KCNS3: variants seen among roughly 807,000 people sequenced by gnomAD.
The protein encoded by KCNS3 is delayed-rectifier potassium channel regulatory subunit KCNS3.
A neutral mutation model predicts 31.0 loss-of-function variants in KCNS3; 13 were observed. The observed-to-expected ratio is 0.42, with a 90% CI of 0.27 to 0.67. The LOEUF is 0.67. KCNS3 is among the 30% of genes least tolerant of loss of function. KCNS3 has a pLI of 0.25. For missense variants in KCNS3, 545 were observed against 622.4 expected (o/e 0.88, Z 1.32); for synonymous variants, 238 against 241.5 (o/e 0.99, Z 0.13).
chr2:17,924,350 T>G (rs1368723369), intron 2 of KCNS3, among the ~76,000 whole-genome samples: 1 of 152,122 alleles, frequency 6.6e-6, no homozygotes, highest in Non-Finnish European at 1.5e-5. Flanking sequence ...TTTTCTTTCT[T>G]TTCTTTGCCT....
intron 1 of KCNS3, among the ~76,000 whole-genome samples, chr2:17,899,812 A>G (rs910321356): frequency 1.3e-5 from 2 of 152,234 alleles, no homozygotes; most frequent in Non-Finnish European, 1.5e-5. Flanking sequence ...TGACTCTTCT[A>G]TTTATCCCAG....
At chr2:17,904,815 C>T (rs1662277229) in intron 1 of KCNS3, among the ~76,000 whole-genome samples, 1 of 152,120 alleles carries the variant, frequency 6.6e-6, no homozygotes, top group South Asian at 2.1e-4. Flanking sequence ...TTCCATTGGT[C>T]TATATCTCTG....
At chr2:17,881,250 G>C (rs1490580959) in intron 1 of KCNS3, among the ~76,000 whole-genome samples, 1 of 152,190 alleles carries the variant, frequency 6.6e-6, no homozygotes, top group Non-Finnish European at 1.5e-5. Context: ...AGGGTATGTT[G>C]AAGCAGAGAA....
chr2:17,898,479 T>C (rs1277181949), intron 1 of KCNS3, among the ~76,000 whole-genome samples: 1 of 152,186 alleles, frequency 6.6e-6, no homozygotes, highest in Non-Finnish European at 1.5e-5. Context: ...CTCCTGCCTG[T>C]TTCCAGGTGT....
chr2:17,908,155 A>G (rs1276196634), intron 1 of KCNS3, among the ~76,000 whole-genome samples: 3 of 152,004 alleles, frequency 2.0e-5, no homozygotes, highest in Admixed American at 1.3e-4. Context: ...GGCTTTGTTC[A>G]TTTCTCTTTA....
At chr2:17,906,435 A>G (rs1447157262) in intron 1 of KCNS3, among the ~76,000 whole-genome samples, 1 of 151,954 alleles carries the variant, frequency 6.6e-6, no homozygotes, top group Non-Finnish European at 1.5e-5. Flanking sequence ...TGATTTTTTG[A>G]AGGGTTTTTT....
chr2:17,890,952 G>T (rs1209488126), intron 1 of KCNS3, among the ~76,000 whole-genome samples: 1 of 152,136 alleles, frequency 6.6e-6, no homozygotes, highest in African/African-American at 2.4e-5. Context: ...TTGTTCCAAG[G>T]TATAGTTTAA....
chr2:17,909,718 G>T (rs1190486206), intron 1 of KCNS3, among the ~76,000 whole-genome samples: 2 of 152,194 alleles, frequency 1.3e-5, no homozygotes, highest in East Asian at 3.8e-4. Context: ...AGAAGAAAGA[G>T]CATTCCAGGC....
intron 1 of KCNS3, among the ~76,000 whole-genome samples, chr2:17,917,297 G>A (rs35365641): frequency 6.6e-4 from 100 of 152,196 alleles, no homozygotes; most frequent in Non-Finnish European, 1.8e-4. Context: ...ATTAGAATGC[G>A]TTCATTTAGA....
At chr2:17,921,915 GTATA>G (rs56064218) in intron 2 of KCNS3, among the ~76,000 whole-genome samples, 334 of 32,716 alleles carry the variant, frequency 0.01, 1 homozygote, top group African/African-American at 0.023. Context: ...GTGTGTGTGT[GTATA>G]TATATATATA....
In KCNS3 at chr2:17,932,151, G is replaced by C. The variant is rs776245657; in HGVS notation, c.1143G>C (p.Leu381Phe). 1 of 1,614,004 alleles carries C rather than the reference G, an allele frequency of 6.2e-7. No homozygotes were observed. Among genetic ancestry groups the C allele is most frequent in the South Asian group, 1.1e-5 (1 of 91,044 alleles). The change falls in exon 3 of 3, where the codon TTG becomes TTC. Residue 381 changes from leucine (L) to phenylalanine (F), a missense_variant. By Grantham distance (22) the Leu-to-Phe change is conservative (BLOSUM62 0). Transcript: ENST00000304101. ...VGYGDTHPVT[L>F]AGKLIASTCI... Reference sequence around the variant, plus strand: ...ATGGAGACACCCACCCGGTCACCTTGGCGGGAAAGCTCATCGCCAGCACAT... The same window carrying C: ...ATGGAGACACCCACCCGGTCACCTTCGCGGGAAAGCTCATCGCCAGCACAT...
In KCNS3 at chr2:17,916,088, A is replaced by C. The variant is rs969681843; in HGVS notation, c.-251-1592A>C. Among the ~76,000 whole-genome samples the C allele has an allele frequency of 7.8e-4, 118 of 152,250 alleles. 1 individual carries two copies. The highest frequency in any genetic ancestry group is 1.9e-4 in the East Asian group (1 of 5,204). On this transcript the variant is annotated intron_variant, in intron 1 of 2. Coordinates refer to ENST00000304101, the MANE Select transcript of KCNS3 (RefSeq NM_002252.5). The stretch of plus-strand genomic sequence containing the variant: ...CTTTAGGCGGTGCTTGGGGATACTT[A>C]GAAATGCTGCATAGCCTAAATATTT...
At chr2:17,917,655 G>A (rs1383876271) in intron 1 of KCNS3, 25 bp from the exon 2 acceptor site, 1 of 152,648 alleles carries the variant, frequency 6.6e-6, no homozygotes, top group African/African-American at 2.4e-5. Flanking sequence ...TGCAGTTACA[G>A]CTTGGCTGAT....
At chr2:17,914,595 C>T (rs1199144663) in intron 1 of KCNS3, among the ~76,000 whole-genome samples, 2 of 152,298 alleles carry the variant, frequency 1.3e-5, no homozygotes, top group East Asian at 3.9e-4. Flanking sequence ...TTAATTTACT[C>T]TTTAGTCTTG....
In KCNS3 at chr2:17,931,069, G is replaced by T; in HGVS notation, c.61G>T (p.Val21Leu). 1 of 1,614,094 alleles carries T rather than the reference G, an allele frequency of 6.2e-7. No individual in the cohort carries two copies. Among genetic ancestry groups the T allele is most frequent in the Non-Finnish European group, 8.5e-7 (1 of 1,179,998 alleles). ...GQDEELVNLN[V>L]GGFKQSVDQS... Reference sequence around the variant, plus strand: ...AGACGAGGAACTTGTCAACCTGAATGTGGGGGGCTTTAAGCAGTCTGTTGA... The same window carrying T: ...AGACGAGGAACTTGTCAACCTGAATTTGGGGGGCTTTAAGCAGTCTGTTGA... The change falls in exon 3 of 3, where the codon GTG becomes TTG. Residue 21 changes from valine to leucine, a missense_variant. Transcript: ENST00000304101. This position sits in a 1 kb window ranked among gnomAD's most constrained non-coding sequence, Gnocchi z 5.4.
chr2:17,899,920 A>G (rs1662128273), intron 1 of KCNS3, among the ~76,000 whole-genome samples: 1 of 152,196 alleles, frequency 6.6e-6, no homozygotes, highest in Non-Finnish European at 1.5e-5. Flanking sequence ...TAAAGCCAAA[A>G]TACAGTTGAA....
intron 2 of KCNS3, among the ~76,000 whole-genome samples, chr2:17,929,093 C>G (rs1662898257): frequency 6.6e-6 from 1 of 152,156 alleles, no homozygotes; most frequent in Admixed American, 6.5e-5. Context: ...GATTAAGACC[C>G]TTTAGTGGTC....
intron 1 of KCNS3, among the ~76,000 whole-genome samples, chr2:17,883,843 C>G (rs934849621): frequency 2.0e-5 from 3 of 152,018 alleles, no homozygotes; most frequent in Non-Finnish European, 4.4e-5. Flanking sequence ...ATAGCAAAGA[C>G]TTGGAAACAA....
At chr2:17,900,031 G>A (rs143240757) in intron 1 of KCNS3, among the ~76,000 whole-genome samples, 2 of 152,210 alleles carry the variant, frequency 1.3e-5, no homozygotes, top group African/African-American at 4.8e-5. Flanking sequence ...ATTGGAGAGC[G>A]GGCGTGGTCT....
Sources: allele counts gnomAD v4.1 joint callset (sites outside exome capture counted in the v4.1 genomes callset), GRCh38; gene constraint gnomAD v4.1.1; non-coding constraint Gnocchi (gnomAD v3.1); transcripts MANE v1.5; gene names NCBI Gene and HGNC (gene_info 2026-07-23, HGNC 2026-07-21).